ANGPT2: variants seen among roughly 807,000 people sequenced by gnomAD.
ANGPT2 encodes the protein angiopoietin 2, also known as angiopoietin-2.
A neutral mutation model predicts 62.9 loss-of-function variants in ANGPT2; 28 were observed. The observed-to-expected ratio is 0.44, with a 90% CI of 0.33 to 0.61. The LOEUF (loss-of-function observed/expected upper bound fraction) is 0.61. ANGPT2 is among the 20% of genes least tolerant of loss of function. The pLI, the probability that ANGPT2 is intolerant of heterozygous loss-of-function variation, is 0.03. For synonymous variants in ANGPT2, 284 were observed against 207.8 expected (o/e 1.37, Z -3.15); for missense variants, 727 against 594.9 (o/e 1.22, Z -2.31).
Position 6,503,224 on chromosome 8 carries a change from G to C in ANGPT2, c.1365C>G (p.Asn455Lys). The C allele has an allele frequency of 6.2e-7, 1 of 1,614,104 alleles. No homozygotes were observed. Among genetic ancestry groups the C allele is most frequent in the Non-Finnish European group, 8.5e-7 (1 of 1,180,018 alleles). The change falls in exon 9 of 9, where the codon AAC (asparagine) becomes AAG (lysine). Residue 455 changes from asparagine to lysine, a missense_variant. Transcript: ENST00000629816. ...WFDACGPSNL[N>K]GMYYPQRQNT... ...TCTGCCTCTGTGGATAGTACATTCC[G>C]TTCAAGTTGGAAGGACCACATGCAT...
chr8:6,544,209 G>T (rs1474383330), intron 1 of ANGPT2, among the ~76,000 whole-genome samples: 1 of 152,224 alleles, frequency 6.6e-6, no homozygotes, highest in African/African-American at 2.4e-5. Flanking sequence ...CATTTCAAAT[G>T]TTGATAGTGA....
intron 1 of ANGPT2, among the ~76,000 whole-genome samples, chr8:6,538,760 T>G (rs950601568): frequency 3.3e-5 from 5 of 152,228 alleles, no homozygotes; most frequent in African/African-American, 7.2e-5. Context: ...TTAATGTTCT[T>G]GCTTGCTTGG....
chr8:6,544,885 A>C (rs1447148323), intron 1 of ANGPT2, among the ~76,000 whole-genome samples: 1 of 152,144 alleles, frequency 6.6e-6, no homozygotes, highest in Non-Finnish European at 1.5e-5. Flanking sequence ...TGAACCTGCT[A>C]ACATCAGATT....
chr8:6,506,167 T>C (rs1246729558), intron 8 of ANGPT2, among the ~76,000 whole-genome samples: 1 of 151,942 alleles, frequency 6.6e-6, no homozygotes, highest in African/African-American at 2.4e-5. Context: ...GACGGAAGTT[T>C]GCGTGTTCTA....
chr8:6,511,685 A>G (rs1424431048), intron 7 of ANGPT2, among the ~76,000 whole-genome samples: 2 of 152,278 alleles, frequency 1.3e-5, no homozygotes, highest in South Asian at 4.1e-4. Context: ...TTTCGATGTA[A>G]TATCTATTTT....
chr8:6,524,869 CGAGCACCTTCAG>C (rs1336861735), intron 3 of ANGPT2, among the ~76,000 whole-genome samples: 2 of 152,192 alleles, frequency 1.3e-5, no homozygotes, highest in Non-Finnish European at 2.9e-5. Flanking sequence ...TTTGGTGTCA[CGAGCACCTTCAG>C]GTGAAAGGAA....
intron 8 of ANGPT2, chr8:6,508,458 A>G (rs575746101): frequency 5.6e-6 from 1 of 177,550 alleles, no homozygotes; most frequent in Non-Finnish European, 1.2e-5. Flanking sequence ...TAAATAAACA[A>G]CTGGAGACTG....
intron 5 of ANGPT2, among the ~76,000 whole-genome samples, chr8:6,519,194 A>C (rs1287416195): frequency 6.6e-6 from 1 of 152,212 alleles, no homozygotes; most frequent in East Asian, 1.9e-4. Context: ...AGCGGTTCTC[A>C]TGGTGTGGAC....
chr8:6,504,175 G>T lies in ANGPT2; in HGVS notation c.1328-914C>A, dbSNP rs928201561. Among the ~76,000 whole-genome samples the T allele has an allele frequency of 7.9e-5, 12 of 151,840 alleles. 1 individual carries two copies. Among genetic ancestry groups the T allele is most frequent in the African/African-American group, 2.7e-4 (11 of 41,362 alleles). The stretch of plus-strand genomic sequence containing the variant: ...CTACTAAAAATACAAAAAATTAGCC[G>T]GGCGTGGTGGCGGACGCCTGTAGTC... On this transcript the variant is annotated intron_variant, in intron 8 of 8. Coordinates refer to ENST00000629816, the MANE Select transcript of ANGPT2 (RefSeq NM_001118887.2).
At chr8:6,561,531 T>A (rs1283025824) in intron 1 of ANGPT2, among the ~76,000 whole-genome samples, 1 of 152,118 alleles carries the variant, frequency 6.6e-6, no homozygotes, top group African/African-American at 2.4e-5. Context: ...AATGAAAGAG[T>A]GAGAAAATAA....
chr8:6,515,876 G>A lies in ANGPT2; in HGVS notation c.928-1098C>T, dbSNP rs377512646. On this transcript the variant is annotated intron_variant, in intron 5 of 8. Coordinates refer to ENST00000629816, the MANE Select transcript of ANGPT2 (RefSeq NM_001118887.2). ...GAGTTAGAATCCTAAAGAGGAGAGC[G>A]AAAAGAGAACCAAGAGAGTGCTATT... Among the ~76,000 whole-genome samples, 14 of 152,302 alleles carry A rather than the reference G, an allele frequency of 9.2e-5. No individual in the cohort carries two copies. The South Asian group carries it at 2.3e-3, about 25-fold the overall frequency.
chr8:6,528,197 C>A (rs571055617), intron 2 of ANGPT2, among the ~76,000 whole-genome samples: 1 of 152,124 alleles, frequency 6.6e-6, no homozygotes, highest in East Asian at 1.9e-4. Flanking sequence ...TGCACCCGGC[C>A]GTTATGTCTC....
chr8:6,549,458 CGAG>C (rs1563108897), intron 1 of ANGPT2, among the ~76,000 whole-genome samples: 1 of 152,138 alleles, frequency 6.6e-6, no homozygotes, highest in African/African-American at 2.4e-5. Context: ...GGGATATTGA[CGAG>C]GAGGGGCCTG....
At chr8:6,512,690 A>T (rs1355199510) in intron 7 of ANGPT2, among the ~76,000 whole-genome samples, 1 of 152,140 alleles carries the variant, frequency 6.6e-6, no homozygotes, top group Non-Finnish European at 1.5e-5. Context: ...CTTGCACACT[A>T]GGTTGTCAAG....
chr8:6,521,539 C>G, intron 3 of ANGPT2, 129 bp from the exon 4 acceptor site: 1 of 695,178 alleles, frequency 1.4e-6, no homozygotes, highest in Non-Finnish European at 2.3e-6. Context: ...ATGATGTTAC[C>G]AGAGCCCTAA....
intron 1 of ANGPT2, among the ~76,000 whole-genome samples, chr8:6,561,240 C>T (rs972359641): frequency 6.6e-6 from 1 of 152,170 alleles, no homozygotes; most frequent in African/African-American, 2.4e-5. Context: ...AGCGCTTAGC[C>T]AGGAGCTTAA....
chr8:6,544,454 A>G (rs1586528403), intron 1 of ANGPT2, among the ~76,000 whole-genome samples: 1 of 152,326 alleles, frequency 6.6e-6, no homozygotes, highest in East Asian at 1.9e-4. Flanking sequence ...AACCCAAAAT[A>G]AGAGAGTATT....
chr8:6,503,390 G>A lies in ANGPT2; in HGVS notation c.1328-129C>T, dbSNP rs1812588941. 1.2e-5 allele frequency: 11 copies of A among 886,052 alleles called. No homozygotes were observed. The East Asian group carries it at 2.0e-4, about 16-fold the overall frequency. The allele number at this position is 886,052 out of a possible 1,614,324, so 54.9% of individuals were successfully genotyped here. On this transcript the variant is annotated intron_variant, in intron 8 of 8. Coordinates refer to ENST00000629816, the MANE Select transcript of ANGPT2 (RefSeq NM_001118887.2). ...GGAGTAGGCACATGCAGATGATGGTGAGTATAGGATGTGCACTGGCAGAGG... is the reference window on the plus strand; with the variant it reads ...GGAGTAGGCACATGCAGATGATGGTAAGTATAGGATGTGCACTGGCAGAGG...
At chr8:6,561,963 G>A (rs887590249) in intron 1 of ANGPT2, among the ~76,000 whole-genome samples, 5 of 152,120 alleles carry the variant, frequency 3.3e-5, no homozygotes, top group Non-Finnish European at 7.4e-5. Flanking sequence ...ACGTGGGGAC[G>A]CATTCCGCAC....
Sources: allele counts gnomAD v4.1 joint callset (sites outside exome capture counted in the v4.1 genomes callset), GRCh38; gene constraint gnomAD v4.1.1; transcripts MANE v1.5; gene names NCBI Gene and HGNC (gene_info 2026-07-23, HGNC 2026-07-21).